Variants in VEPH1 observed in about 807,000 individuals in gnomAD.
VEPH1 encodes ventricular zone expressed PH domain containing 1, also known as ventricular zone-expressed PH domain-containing protein homolog 1.
VEPH1 carries 80 observed loss-of-function variants against 85.2 expected under a neutral mutation model. The observed-to-expected ratio is 0.94, with a 90% confidence interval of 0.78 to 1.13. VEPH1 has a LOEUF of 1.13. Ranked by LOEUF, VEPH1 falls within the 50% of genes most tolerant of loss-of-function variation. The pLI, the probability that VEPH1 is intolerant of heterozygous loss-of-function variation, is 0.00. For missense variants in VEPH1, 955 were observed against 980.5 expected (o/e 0.97, Z 0.35); for synonymous variants, 297 against 348.0 (o/e 0.85, Z 1.63).
chr3:157,390,902 G>A (rs1008782094), intron 6 of VEPH1, among the ~76,000 whole-genome samples: 3 of 151,982 alleles, frequency 2.0e-5, no homozygotes. Context: ...ATGGTTGCTG[G>A]CATCTCCAAG....
In VEPH1 at chr3:157,381,360, C is replaced by A. The variant is rs1728747836; in HGVS notation, c.923G>T (p.Cys308Phe). The change falls in exon 7 of 14, where the codon TGC becomes TTC. Residue 308 changes from cysteine (C) to phenylalanine (F), a missense_variant. Physicochemically the swap from Cys to Phe is radical, Grantham distance 205. Coordinates refer to ENST00000362010, the MANE Select transcript of VEPH1 (RefSeq NM_001167912.2). ...CAGTTGGCTCACCAGGTATGTCAGG[C>A]AGCTCCTGGCTCTCTCCTACCAAAA... ...GHVDEERARS[C>F]LTYLVSQLAN... is the part of the protein sequence containing the mutation. 6.2e-7 allele frequency: 1 copy of A among 1,614,128 alleles called. No individual in the cohort carries two copies. The highest frequency in any genetic ancestry group is 8.5e-7 in the Non-Finnish European group (1 of 1,180,000).
Position 157,364,310 on chromosome 3 carries a change from A to G in VEPH1, c.1330T>C (p.Phe444Leu). The G allele has an allele frequency of 1.2e-6, 2 of 1,609,398 alleles. No individual in the cohort carries two copies. The highest frequency in any genetic ancestry group is 2.2e-5 in the South Asian group (2 of 90,484). Residue 444 changes from phenylalanine (F) to leucine (L), a missense_variant, in exon 8 of 14, where the codon TTT becomes CTT. Phe to Leu is a conservative substitution (Grantham distance 22, BLOSUM62 0). Transcript: ENST00000362010. ...VSKEERKNIR[F>L]NRSKSLAFHT... The stretch of plus-strand genomic sequence containing the variant: ...AAACCAAACGAGTTATACCTGTTAA[A>G]TCTAATGTTTTTTCTTTCTTCTTTA...
chr3:157,345,146 G>A (rs902756122), intron 9 of VEPH1, among the ~76,000 whole-genome samples: 14 of 152,108 alleles, frequency 9.2e-5, no homozygotes, highest in Non-Finnish European at 2.9e-5. Flanking sequence ...AACACCAAAA[G>A]CAATGGCAAC....
rs1484554494 is a variant in VEPH1, at chr3:157,380,991, C to T, written c.1127+165G>A. The T allele has an allele frequency of 2.9e-5, 20 of 678,454 alleles. No individual in the cohort carries two copies. The South Asian group carries it at 3.7e-4, about 13-fold the overall frequency. The allele number at this position is 678,454 out of a possible 1,614,324, so 42.0% of individuals were successfully genotyped here. A position where few individuals can be genotyped will look rare whatever the true frequency, so the allele number is the denominator to read the frequency against. On this transcript the variant is annotated intron_variant, in intron 7 of 13. Coordinates refer to ENST00000362010, the MANE Select transcript of VEPH1 (RefSeq NM_001167912.2). The stretch of plus-strand genomic sequence containing the variant: ...GTTTTGTTACATTCTGGTTTTCACA[C>T]ATTTAGAAGAAAGATTCTGGCAAGT...
chr3:157,405,495 T>C (rs575628512), intron 6 of VEPH1, among the ~76,000 whole-genome samples: 2 of 152,200 alleles, frequency 1.3e-5, no homozygotes, highest in Non-Finnish European at 2.9e-5. Flanking sequence ...CTAATCAATA[T>C]GGAATTTTCA....
chr3:157,426,669 A>T (rs996363376), intron 5 of VEPH1, among the ~76,000 whole-genome samples: 3 of 152,186 alleles, frequency 2.0e-5, no homozygotes, highest in African/African-American at 7.2e-5. Context: ...CTATAGGCTG[A>T]TTAATTCACA....
intron 11 of VEPH1, among the ~76,000 whole-genome samples, chr3:157,307,411 A>C (rs1256062097): frequency 6.6e-6 from 1 of 151,942 alleles, no homozygotes; most frequent in Non-Finnish European, 1.5e-5. Flanking sequence ...CCTTTAATTT[A>C]TGTGGAGTTA....
chr3:157,304,038 T>TATATATATATATATATATACACACAC lies in VEPH1; in HGVS notation c.2010+9582_2010+9583insGTGTGTGTATATATATATATATATAT. Among the ~76,000 whole-genome samples the TATATATATATATATATATACACACAC allele has an allele frequency of 8.0e-4, 78 of 96,908 alleles. 2 individuals carry two copies. Among genetic ancestry groups the TATATATATATATATATATACACACAC allele is most frequent in the African/African-American group, 1.9e-3 (61 of 32,702 alleles). The allele number at this position is 96,908 out of a possible 152,430, so 63.6% of individuals were successfully genotyped here. On this transcript the variant is annotated intron_variant, in intron 11 of 13. Transcript: ENST00000362010. ...CTTATATTTTTTATATATATATATA[T>TATATATATATATATATATACACACAC]ACACACATACTGTTACATCTTATAT...
intron 9 of VEPH1, among the ~76,000 whole-genome samples, chr3:157,345,494 C>T (rs1203047244): frequency 6.6e-6 from 1 of 152,178 alleles, no homozygotes; most frequent in East Asian, 1.9e-4. Flanking sequence ...CATCTCACAC[C>T]AGTTAGAATG....
chr3:157,276,532 T>TTA (rs1379343404), intron 12 of VEPH1, among the ~76,000 whole-genome samples: 8 of 152,176 alleles, frequency 5.3e-5, no homozygotes, highest in Admixed American at 1.3e-4. Flanking sequence ...CAGTAATAGG[T>TTA]TATATGATAT....
chr3:157,434,943 C>G (rs1225947180), intron 4 of VEPH1, among the ~76,000 whole-genome samples: 2 of 152,168 alleles, frequency 1.3e-5, no homozygotes, highest in African/African-American at 4.8e-5. Flanking sequence ...AATCCTATTA[C>G]TGAACATAAA....
intron 7 of VEPH1, among the ~76,000 whole-genome samples, chr3:157,376,928 T>C (rs927170133): frequency 1.3e-5 from 2 of 152,204 alleles, no homozygotes; most frequent in African/African-American, 4.8e-5. Flanking sequence ...ATTGTAAGGA[T>C]CAGATTTTGC....
chr3:157,385,648 G>A (rs1198878093), intron 6 of VEPH1, among the ~76,000 whole-genome samples: 1 of 152,058 alleles, frequency 6.6e-6, no homozygotes, highest in Non-Finnish European at 1.5e-5. Flanking sequence ...TTCTGTATTT[G>A]ATCTGTTAAA....
chr3:157,438,035 GCGCACACACACACA>G, intron 4 of VEPH1: 4 of 701,792 alleles, frequency 5.7e-6, no homozygotes, highest in South Asian at 5.7e-5. Flanking sequence ...GCGCGCGCGC[GCGCACACACACACA>G]CACACACACA....
chr3:157,408,253 T>C (rs1305908763), intron 6 of VEPH1, among the ~76,000 whole-genome samples: 1 of 152,148 alleles, frequency 6.6e-6, no homozygotes, highest in Non-Finnish European at 1.5e-5. Flanking sequence ...TCATCACATG[T>C]TTGTTGTATA....
intron 9 of VEPH1, among the ~76,000 whole-genome samples, chr3:157,343,077 A>G (rs1489508249): frequency 6.6e-6 from 1 of 152,248 alleles, no homozygotes; most frequent in Non-Finnish European, 1.5e-5. Context: ...AGAAAGCAGG[A>G]AAGATCTAAA....
chr3:157,416,644 G>A (rs1202687228), intron 5 of VEPH1, among the ~76,000 whole-genome samples: 1 of 152,100 alleles, frequency 6.6e-6, no homozygotes, highest in Non-Finnish European at 1.5e-5. Context: ...CAAGGTCTTT[G>A]TGACATGTGC....
rs192941411 is a variant in VEPH1, at chr3:157,338,656, A to C, written c.1736-21455T>G. On this transcript the variant is annotated intron_variant, in intron 9 of 13. Transcript: ENST00000362010. ...GATTCAGATATCATTTATTTGTGGCAGTCTCTGTGGGTTTTCAAACTTTTA... is the reference window on the plus strand; with the variant it reads ...GATTCAGATATCATTTATTTGTGGCCGTCTCTGTGGGTTTTCAAACTTTTA... Among the ~76,000 whole-genome samples the C allele has an allele frequency of 7.9e-5, 12 of 152,262 alleles. No individual in the cohort carries two copies. The East Asian group carries it at 2.3e-3, about 29-fold the overall frequency.
Position 157,460,184 on chromosome 3 carries a change from G to A in VEPH1, c.526C>T (p.Gln176Ter), listed in dbSNP as rs766142185. ...AAGCTCAACTTTCGCACCATACCTT[G>A]GAGTATGCTCTTTACTATAACTTCC... ...HTEVIVKSIL[Q>*]GNTMLLRVLP... Residue 176 changes from glutamine to a stop codon, truncating the protein, a stop_gained, in exon 4 of 14, where the codon CAA becomes TAA. Coordinates refer to ENST00000362010, the MANE Select transcript of VEPH1 (RefSeq NM_001167912.2). LOFTEE classifies it high-confidence loss of function. 8.7e-6 allele frequency: 14 copies of A among 1,614,120 alleles called. No homozygotes were observed. Among genetic ancestry groups the A allele is most frequent in the Non-Finnish European group, 1.2e-5 (14 of 1,180,010 alleles).
Sources: allele counts gnomAD v4.1 joint callset (sites outside exome capture counted in the v4.1 genomes callset), GRCh38; gene constraint gnomAD v4.1.1; transcripts MANE v1.5; gene names NCBI Gene and HGNC (gene_info 2026-07-23, HGNC 2026-07-21).